Variants in SPHKAP observed in about 807,000 individuals in gnomAD.
SPHKAP encodes the protein SPHK1 interactor, AKAP domain containing, also known as A-kinase anchor protein SPHKAP.
Under a neutral mutation model 137.5 loss-of-function variants are expected in SPHKAP, and 67 were observed. The observed-to-expected ratio is 0.49, with a 90% CI of 0.40 to 0.60. SPHKAP has a LOEUF of 0.60. Ranked by LOEUF, SPHKAP falls within the 20% of genes least tolerant of loss-of-function variation. The pLI, the probability that SPHKAP is intolerant of heterozygous loss-of-function variation, is 0.00. For synonymous variants in SPHKAP, 813 were observed against 785.3 expected (o/e 1.04, Z -0.59); for missense variants, 2,097 against 2,069.3 (o/e 1.01, Z -0.26).
chr2:228,136,971 C>G (rs1472532994), intron 1 of SPHKAP, among the ~76,000 whole-genome samples: 3 of 151,956 alleles, frequency 2.0e-5, no homozygotes, highest in African/African-American at 7.3e-5. Context: ...CCTCTGGTAC[C>G]TCCCTTCTCT....
chr2:228,085,547 C>T (rs756135954), intron 3 of SPHKAP, among the ~76,000 whole-genome samples: 6 of 152,200 alleles, frequency 3.9e-5, no homozygotes, highest in Non-Finnish European at 7.3e-5. Flanking sequence ...TGACAATTCT[C>T]CTTTAATGTC....
chr2:228,108,932 C>G lies in SPHKAP; in HGVS notation c.146G>C (p.Arg49Pro), dbSNP rs145848831. ...TGTTGACTCCAGCAGGCTATTGCTG[C>G]GAAGAACCTGGAGGAACCCAGAAAA... is the stretch of plus-strand genomic sequence containing the variant. ...NSITACKKVL[R>P]SNSLLESTDY... Residue 49 changes from arginine to proline, a missense_variant, in exon 3 of 12, where the codon CGC (arginine) becomes CCC (proline). By Grantham distance (103) the Arg-to-Pro change is moderately radical (BLOSUM62 -2). Transcript: ENST00000392056. The G allele has an allele frequency of 1.3e-6, 2 of 1,595,562 alleles. No individual in the cohort carries two copies. Among genetic ancestry groups the G allele is most frequent in the African/African-American group, 1.4e-5 (1 of 73,612 alleles).
intron 2 of SPHKAP, among the ~76,000 whole-genome samples, chr2:228,118,166 A>C (rs1256924397): frequency 6.7e-6 from 1 of 150,074 alleles, no homozygotes; most frequent in Non-Finnish European, 1.5e-5. Context: ...AGATTCGTCT[A>C]TATTATCATA....
intron 3 of SPHKAP, among the ~76,000 whole-genome samples, chr2:228,092,869 G>T (rs1697850191): frequency 6.6e-6 from 1 of 151,934 alleles, no homozygotes; most frequent in Non-Finnish European, 1.5e-5. Flanking sequence ...AGGATGCAAA[G>T]GCATGAGAAC....
intron 1 of SPHKAP, among the ~76,000 whole-genome samples, chr2:228,158,467 T>A (rs1700177493): frequency 6.6e-6 from 1 of 152,162 alleles, no homozygotes; most frequent in East Asian, 1.9e-4. Context: ...TTAAATTGTG[T>A]CCTTGGGAGT....
At chr2:228,180,098 G>T (rs1409936817) in intron 1 of SPHKAP, among the ~76,000 whole-genome samples, 1 of 152,060 alleles carries the variant, frequency 6.6e-6, no homozygotes, top group Non-Finnish European at 1.5e-5. Context: ...TAAAAAATCG[G>T]CAAAATGGAA....
intron 3 of SPHKAP, among the ~76,000 whole-genome samples, chr2:228,065,040 C>T (rs1277242695): frequency 6.6e-6 from 1 of 152,200 alleles, no homozygotes; most frequent in Non-Finnish European, 1.5e-5. Context: ...TTTCTCCAAG[C>T]TCAGGATTTC....
At chr2:228,142,369 G>T (rs140570277) in intron 1 of SPHKAP, among the ~76,000 whole-genome samples, 1 of 152,082 alleles carries the variant, frequency 6.6e-6, no homozygotes, top group East Asian at 1.9e-4. Context: ...CTGGACGGGA[G>T]GCTAAGGCCG....
chr2:228,090,898 A>T (rs1021016693), intron 3 of SPHKAP, among the ~76,000 whole-genome samples: 1 of 152,142 alleles, frequency 6.6e-6, no homozygotes, highest in Non-Finnish European at 1.5e-5. Flanking sequence ...AGCCTGCAGA[A>T]CTGTGAGCCA....
chr2:228,104,261 C>A (rs1394607010), intron 3 of SPHKAP, among the ~76,000 whole-genome samples: 1 of 141,684 alleles, frequency 7.1e-6, no homozygotes, highest in Non-Finnish European at 1.5e-5. Context: ...TTATATATAT[C>A]ATTATATTAT....
chr2:227,990,943 T>C (rs1693388976), intron 11 of SPHKAP, 57 bp downstream of exon 11: 1 of 1,565,530 alleles, frequency 6.4e-7, no homozygotes, highest in Non-Finnish European at 8.7e-7. Flanking sequence ...TTTACTGAGT[T>C]TCCAGTGGTG....
intron 1 of SPHKAP, among the ~76,000 whole-genome samples, chr2:228,156,345 C>T (rs758583530): frequency 6.6e-6 from 1 of 152,148 alleles, no homozygotes; most frequent in Non-Finnish European, 1.5e-5. Context: ...AATAAATTGT[C>T]ATGGTTATAT....
At chr2:227,987,658 A>G (rs1401163196) in intron 11 of SPHKAP, among the ~76,000 whole-genome samples, 1 of 151,962 alleles carries the variant, frequency 6.6e-6, no homozygotes, top group African/African-American at 2.4e-5. Flanking sequence ...TTGCCTTTTA[A>G]GTTGAACAAA....
In SPHKAP at chr2:228,032,386, A is replaced by C. The variant is rs550483753; in HGVS notation, c.247-4843T>G. On this transcript the variant is annotated intron_variant, in intron 3 of 11. Transcript: ENST00000392056. Reference sequence around the variant, plus strand: ...CCAAGAAATATGGCATTATGTGAAAAGACCAAATCTACGTCTGATTGCTGT... The same window carrying C: ...CCAAGAAATATGGCATTATGTGAAACGACCAAATCTACGTCTGATTGCTGT... Among the ~76,000 whole-genome samples, 3 of 152,354 alleles carry C rather than the reference A, an allele frequency of 2.0e-5. No individual in the cohort carries two copies. In the South Asian group the frequency reaches 6.2e-4, roughly 32 times the overall value.
At chr2:228,016,268 C>CT in intron 7 of SPHKAP, 138 bp downstream of exon 7, 4 of 1,225,016 alleles carry the variant, frequency 3.3e-6, no homozygotes, top group Middle Eastern at 2.4e-4. Flanking sequence ...CTCATTAACT[C>CT]ATTTTTTTTT....
intron 3 of SPHKAP, among the ~76,000 whole-genome samples, chr2:228,031,289 C>A (rs1171536792): frequency 1.3e-5 from 2 of 152,170 alleles, no homozygotes; most frequent in African/African-American, 4.8e-5. Flanking sequence ...AGTCTGAGAT[C>A]AAACTGCAAG....
At position 228,063,174 on chromosome 2, in the gene SPHKAP, A is replaced by ATCTATCTATCTG. The variant is rs756046439; in HGVS notation, c.247-35632_247-35631insCAGATAGATAGA. 6.5e-3 allele frequency among the ~76,000 whole-genome samples: 958 copies of ATCTATCTATCTG among 147,230 alleles called. 4 individuals carry two copies. Among genetic ancestry groups the ATCTATCTATCTG allele is most frequent in the African/African-American group, 9.1e-3 (357 of 39,338 alleles). ...TATCTATCTATCTATCTATCTATCT[A>ATCTATCTATCTG]TCTGTCTGTCTGTCTGTCTGTCTAT... On this transcript the variant is annotated intron_variant, in intron 3 of 11. Coordinates refer to ENST00000392056, the MANE Select transcript of SPHKAP (RefSeq NM_001142644.2).
intron 8 of SPHKAP, 21 bp from the exon 9 acceptor site, chr2:227,993,641 A>G (rs766142541): frequency 4.2e-5 from 66 of 1,561,546 alleles, no homozygotes; most frequent in Non-Finnish European, 5.3e-5. Flanking sequence ...AAAAGTTTAC[A>G]TATTAATGCC....
chr2:228,043,649 T>A (rs1695930355), intron 3 of SPHKAP, among the ~76,000 whole-genome samples: 1 of 152,280 alleles, frequency 6.6e-6, no homozygotes, highest in African/African-American at 2.4e-5. Context: ...TTCATTGATG[T>A]TAAAAAGCTA....
Sources: allele counts gnomAD v4.1 joint callset (sites outside exome capture counted in the v4.1 genomes callset), GRCh38; gene constraint gnomAD v4.1.1; transcripts MANE v1.5; gene names NCBI Gene and HGNC (gene_info 2026-07-23, HGNC 2026-07-21).